Variants in LTBP1 observed in about 807,000 individuals in gnomAD.
The protein encoded by LTBP1 is latent-transforming growth factor beta-binding protein 1.
Under a neutral mutation model 207.6 loss-of-function variants are expected in LTBP1, and 129 were observed. That is an observed-to-expected ratio of 0.62 (90% CI 0.54 to 0.72). The LOEUF is 0.72. LTBP1 is among the 30% of genes least tolerant of loss of function. The probability of loss-of-function intolerance (pLI) is 0.00; values close to 1 mark genes in which losing one functional copy is unlikely to be tolerated. For synonymous variants in LTBP1, 963 were observed against 833.7 expected, an observed-to-expected ratio of 1.16 and a Z score of -2.67; for missense variants, 2,281 against 2,217.2, an observed-to-expected ratio of 1.03 and a Z score of -0.58.
intron 3 of LTBP1, among the ~76,000 whole-genome samples, chr2:33,036,469 T>G (rs200437005): frequency 6.7e-6 from 1 of 150,020 alleles, no homozygotes; most frequent in East Asian, 2.0e-4. Flanking sequence ...TTTTTTTTTC[T>G]TTTTTTGAGA....
chr2:32,987,786 C>T (rs1290614325), intron 2 of LTBP1, among the ~76,000 whole-genome samples: 1 of 152,166 alleles, frequency 6.6e-6, no homozygotes, highest in Non-Finnish European at 1.5e-5. Context: ...CAGAATACCT[C>T]TAGCCATATT....
At chr2:33,220,523 C>G (rs2091034832) in intron 8 of LTBP1, among the ~76,000 whole-genome samples, 1 of 152,194 alleles carries the variant, frequency 6.6e-6, no homozygotes, top group Non-Finnish European at 1.5e-5. Context: ...ATGTGCCTAG[C>G]ATGAACAAGT....
intron 5 of LTBP1, among the ~76,000 whole-genome samples, chr2:33,170,762 A>G (rs1347251128): frequency 6.6e-6 from 1 of 150,406 alleles, no homozygotes; most frequent in East Asian, 2.0e-4. Context: ...GGCACCCCCC[A>G]GTAGGGGCAG....
chr2:33,397,099 A>C, intron 32 of LTBP1, 34 bp from the exon 33 acceptor site: 1 of 1,597,528 alleles, frequency 6.3e-7, no homozygotes, highest in Non-Finnish European at 8.6e-7. Flanking sequence ...GAAGTTGAGA[A>C]GCTCTAACTT....
intron 5 of LTBP1, among the ~76,000 whole-genome samples, chr2:33,182,893 G>A (rs932388360): frequency 1.3e-5 from 2 of 151,178 alleles, no homozygotes; most frequent in Non-Finnish European, 1.5e-5. Context: ...AAATGTTTTA[G>A]TGTAGGTTAT....
intron 8 of LTBP1, among the ~76,000 whole-genome samples, chr2:33,219,754 C>G (rs752952071): frequency 2.6e-5 from 4 of 152,144 alleles, no homozygotes; most frequent in Non-Finnish European, 4.4e-5. Flanking sequence ...TTACCCCCTT[C>G]TTTGTGTATC....
chr2:33,072,784 G>A (rs1305581014), intron 3 of LTBP1, among the ~76,000 whole-genome samples: 4 of 152,148 alleles, frequency 2.6e-5, no homozygotes, highest in Admixed American at 2.6e-4. Flanking sequence ...AACATTGCTG[G>A]TTGCCATGGC....
chr2:33,399,093 A>G lies in LTBP1; in HGVS notation c.*548A>G, dbSNP rs947632041. 1 of 152,660 alleles carries G rather than the reference A, an allele frequency of 6.6e-6. No homozygotes were observed. The highest frequency in any genetic ancestry group is 2.4e-5 in the African/African-American group (1 of 41,448). The allele number at this position is 152,660 out of a possible 1,614,324, so 9.5% of individuals were successfully genotyped here. On this transcript the variant is annotated 3_prime_UTR_variant, in exon 34 of 34. Coordinates refer to ENST00000404816, the MANE Select transcript of LTBP1 (RefSeq NM_206943.4). ...ATTCAAATTGTCTGTCCTGTGGAGC[A>G]GGCAGTGATTTTGTTCCAAAACTTT... is the stretch of plus-strand genomic sequence containing the variant.
intron 24 of LTBP1, among the ~76,000 whole-genome samples, chr2:33,338,296 G>T (rs1417913032): frequency 1.3e-5 from 2 of 152,114 alleles, no homozygotes; most frequent in Non-Finnish European, 2.9e-5. Flanking sequence ...TAACCAGCTT[G>T]GGGCTTGTTC....
At chr2:33,171,522 T>C (rs1283283940) in intron 5 of LTBP1, among the ~76,000 whole-genome samples, 1 of 151,356 alleles carries the variant, frequency 6.6e-6, no homozygotes, top group African/African-American at 2.4e-5. Context: ...AGACCAAATC[T>C]ACGTCTGATT....
intron 15 of LTBP1, among the ~76,000 whole-genome samples, chr2:33,263,867 C>T (rs561761350): frequency 1.3e-5 from 2 of 149,622 alleles, no homozygotes; most frequent in South Asian, 2.1e-4. Context: ...GCAGGGGAGT[C>T]GCTTGAACCC....
chr2:33,184,714 C>T (rs10167324), intron 5 of LTBP1, among the ~76,000 whole-genome samples: 11,686 of 151,050 alleles, frequency 0.077, 960 homozygotes, highest in African/African-American at 0.21. Context: ...ATCTTCTATA[C>T]CATGAGGAAT....
chr2:33,206,340 C>T (rs1436844532), intron 7 of LTBP1, among the ~76,000 whole-genome samples: 4 of 152,180 alleles, frequency 2.6e-5, no homozygotes, highest in Admixed American at 6.5e-5. Flanking sequence ...GCATGCATTA[C>T]AATTTCACAT....
intron 22 of LTBP1, among the ~76,000 whole-genome samples, chr2:33,303,352 CTTTTT>C (rs762959638): frequency 2.3e-5 from 3 of 132,950 alleles, no homozygotes; most frequent in African/African-American, 8.4e-5. Context: ...GTTAGATTTT[CTTTTT>C]TTTTTTTTTT....
intron 7 of LTBP1, among the ~76,000 whole-genome samples, chr2:33,199,907 C>A (rs947059945): frequency 1.7e-4 from 26 of 152,234 alleles, no homozygotes; most frequent in Admixed American, 1.6e-3. Flanking sequence ...ACCTAGGAAT[C>A]CAACTTACAA....
chr2:33,107,479 T>A (rs957016870), intron 3 of LTBP1, among the ~76,000 whole-genome samples: 1 of 152,078 alleles, frequency 6.6e-6, no homozygotes, highest in Non-Finnish European at 1.5e-5. Context: ...TCAGAAGGGA[T>A]GCTGGAGCAG....
At chr2:33,239,183 GA>G (rs1422901257) in intron 9 of LTBP1, among the ~76,000 whole-genome samples, 2 of 152,206 alleles carry the variant, frequency 1.3e-5, no homozygotes, top group Non-Finnish European at 2.9e-5. Flanking sequence ...TAAATAAGTG[GA>G]AAAGTATGTA....
At chr2:33,108,523 C>T (rs2080198573) in intron 3 of LTBP1, among the ~76,000 whole-genome samples, 1 of 152,022 alleles carries the variant, frequency 6.6e-6, no homozygotes, top group South Asian at 2.1e-4. Flanking sequence ...GCTTTCAGCT[C>T]GTTTCTTGTC....
chr2:33,303,357 T>C (rs1035590204), intron 22 of LTBP1, among the ~76,000 whole-genome samples: 1 of 150,228 alleles, frequency 6.7e-6, no homozygotes, highest in African/African-American at 2.4e-5. Context: ...ATTTTCTTTT[T>C]TTTTTTTTTT....
Sources: allele counts gnomAD v4.1 joint callset (sites outside exome capture counted in the v4.1 genomes callset), GRCh38; gene constraint gnomAD v4.1.1; transcripts MANE v1.5; gene names NCBI Gene and HGNC (gene_info 2026-07-23, HGNC 2026-07-21).